Variants in EXOC6B observed in about 807,000 individuals in gnomAD.
EXOC6B encodes the protein exocyst complex component 6B, also known as SEC15 homolog B.
A neutral mutation model predicts 113.5 loss-of-function variants in EXOC6B; 54 were observed. That is an observed-to-expected ratio of 0.48 (90% CI 0.38 to 0.60). The LOEUF (loss-of-function observed/expected upper bound fraction) is 0.60. Ranked by LOEUF, EXOC6B falls within the 20% of genes least tolerant of loss-of-function variation. The pLI, the probability that EXOC6B is intolerant of heterozygous loss-of-function variation, is 0.00. For missense variants in EXOC6B, 797 were observed against 977.5 expected (o/e 0.82, Z 2.46); for synonymous variants, 357 against 339.0 (o/e 1.05, Z -0.58).
At chr2:72,391,213 G>A (rs1420954494) in intron 18 of EXOC6B, among the ~76,000 whole-genome samples, 1 of 152,154 alleles carries the variant, frequency 6.6e-6, no homozygotes, top group African/African-American at 2.4e-5. Flanking sequence ...ATTTTGTACA[G>A]TATTCTAGAT....
chr2:72,335,082 G>A lies in EXOC6B; in HGVS notation c.2123-62C>T, dbSNP rs376972688. ...CTAACCATGGACAGGGAGATTGGCA[G>A]ACGGATGACAGGGAAGACAAGAGAA... On this transcript the variant is annotated intron_variant, in intron 19 of 21. Transcript: ENST00000272427. 8.7e-5 allele frequency: 126 copies of A among 1,452,780 alleles called. No individual in the cohort carries two copies. In the East Asian group the frequency reaches 1.3e-3, roughly 15 times the overall value. 90.0% of individuals were successfully genotyped at this position (1,452,780 alleles called of 1,614,324 possible).
chr2:72,730,344 G>A (rs1246333522), intron 5 of EXOC6B, among the ~76,000 whole-genome samples: 1 of 152,120 alleles, frequency 6.6e-6, no homozygotes, highest in Non-Finnish European at 1.5e-5. Flanking sequence ...CATAATGTGA[G>A]TAGGCCTCAT....
chr2:72,444,425 T>C lies in EXOC6B; in HGVS notation c.1980+20735A>G, dbSNP rs554669879. ...TACCATTCTGGGGTCTGGAGGATGA[T>C]GGCCCTCCTCTCACAGCTCCACTAG... On this transcript the variant is annotated intron_variant, in intron 18 of 21. Transcript: ENST00000272427. 3.3e-5 allele frequency among the ~76,000 whole-genome samples: 5 copies of C among 152,328 alleles called. No homozygotes were observed. In the South Asian group the frequency reaches 1.0e-3, roughly 32 times the overall value.
At chr2:72,729,668 A>G (rs1033258932) in intron 5 of EXOC6B, among the ~76,000 whole-genome samples, 1 of 151,526 alleles carries the variant, frequency 6.6e-6, no homozygotes, top group African/African-American at 2.4e-5. Flanking sequence ...CGAGTGATCC[A>G]CCCGCCTCAG....
chr2:72,233,287 A>C lies in EXOC6B; in HGVS notation c.2197-49100T>G, dbSNP rs138529981. On this transcript the variant is annotated intron_variant, in intron 20 of 21. Transcript: ENST00000272427. Reference sequence around the variant, plus strand: ...TCAGTGCACCATGTGATGGAGAGGAAAGGAAGGGGCTGGTGAACACTGACC... The same window carrying C: ...TCAGTGCACCATGTGATGGAGAGGACAGGAAGGGGCTGGTGAACACTGACC... Among the ~76,000 whole-genome samples, 334 of 152,136 alleles carry C rather than the reference A, an allele frequency of 2.2e-3. 4 individuals carry two copies. Among genetic ancestry groups the C allele is most frequent in the Non-Finnish European group, 5.4e-4 (37 of 67,984 alleles).
At chr2:72,587,917 AC>A (rs1705694213) in intron 6 of EXOC6B, among the ~76,000 whole-genome samples, 1 of 152,152 alleles carries the variant, frequency 6.6e-6, no homozygotes, top group African/African-American at 2.4e-5. Flanking sequence ...CAAATGTCCA[AC>A]AAAAATATGA....
rs1677921356 is a variant in EXOC6B, at chr2:72,179,104, G to A, written c.*231C>T. 2.0e-6 allele frequency: 1 copy of A among 496,128 alleles called. No individual in the cohort carries two copies. Among genetic ancestry groups the A allele is most frequent in the South Asian group, 3.2e-5 (1 of 31,472 alleles). 30.7% of individuals were successfully genotyped at this position (496,128 alleles called of 1,614,324 possible). A position where few individuals can be genotyped will look rare whatever the true frequency, so the allele number is the denominator to read the frequency against. On this transcript the variant is annotated 3_prime_UTR_variant, in exon 22 of 22. Coordinates refer to ENST00000272427, the MANE Select transcript of EXOC6B (RefSeq NM_015189.3). ...CACCATCTCTAAGATAACACAGATA[G>A]TGTAGTAATAACTTCCCCTGAGTCC... is the stretch of plus-strand genomic sequence containing the variant.
At chr2:72,371,521 G>C (rs565288708) in intron 19 of EXOC6B, among the ~76,000 whole-genome samples, 8 of 152,264 alleles carry the variant, frequency 5.3e-5, no homozygotes, top group African/African-American at 1.7e-4. Context: ...GGGATGCAAG[G>C]ATGGTTCAAC....
At chr2:72,637,162 A>T (rs372055560) in intron 6 of EXOC6B, among the ~76,000 whole-genome samples, 1 of 152,238 alleles carries the variant, frequency 6.6e-6, no homozygotes, top group East Asian at 1.9e-4. Flanking sequence ...TGATGAAAGA[A>T]GTCAAAAACC....
In EXOC6B at chr2:72,789,580, T is replaced by G. The variant is rs182311470; in HGVS notation, c.113+36218A>C. Among the ~76,000 whole-genome samples, 30 of 152,352 alleles carry G rather than the reference T, an allele frequency of 2.0e-4. No individual in the cohort carries two copies. In the East Asian group the frequency reaches 2.9e-3, roughly 15 times the overall value. ...AATATGTTTGTATCATGATTAATGT[T>G]CATATCAGAAACAAAACTAGTTCTT... On this transcript the variant is annotated intron_variant, in intron 1 of 21. Transcript: ENST00000272427.
chr2:72,814,397 C>T (rs1686101137), intron 1 of EXOC6B, among the ~76,000 whole-genome samples: 1 of 152,176 alleles, frequency 6.6e-6, no homozygotes, highest in African/African-American at 2.4e-5. Flanking sequence ...TATCAAACCA[C>T]AGTAGTAACT....
chr2:72,366,340 C>T (rs1460604933), intron 19 of EXOC6B, among the ~76,000 whole-genome samples: 1 of 150,268 alleles, frequency 6.7e-6, no homozygotes, highest in East Asian at 1.9e-4. Flanking sequence ...AGATTAGATA[C>T]TGCAAAAGCA....
chr2:72,342,937 CATTCAT>C (rs1257348425), intron 19 of EXOC6B, among the ~76,000 whole-genome samples: 8 of 152,108 alleles, frequency 5.3e-5, no homozygotes, highest in Non-Finnish European at 8.8e-5. Context: ...TTCACTAGAG[CATTCAT>C]ATTCATATTC....
intron 1 of EXOC6B, among the ~76,000 whole-genome samples, chr2:72,743,807 G>C (rs541720698): frequency 3.9e-5 from 6 of 152,236 alleles, no homozygotes; most frequent in Non-Finnish European, 7.4e-5. Flanking sequence ...AATCCTTTCT[G>C]GGTACTGGAT....
At chr2:72,426,073 T>C (rs866774164) in intron 18 of EXOC6B, among the ~76,000 whole-genome samples, 19 of 152,188 alleles carry the variant, frequency 1.2e-4, no homozygotes, top group African/African-American at 4.6e-4. Context: ...TCTATATCAA[T>C]AACATTTCCA....
chr2:72,255,053 T>A (rs532595025), intron 20 of EXOC6B, among the ~76,000 whole-genome samples: 28 of 152,298 alleles, frequency 1.8e-4, no homozygotes, highest in African/African-American at 6.5e-4. Context: ...GCTGTGGATA[T>A]CAAGCCAAGG....
At chr2:72,318,176 T>C (rs1246195854) in intron 20 of EXOC6B, among the ~76,000 whole-genome samples, 1 of 152,086 alleles carries the variant, frequency 6.6e-6, no homozygotes, top group Non-Finnish European at 1.5e-5. Context: ...ACAGTGATTA[T>C]CGAATGTCTT....
intron 20 of EXOC6B, among the ~76,000 whole-genome samples, chr2:72,213,142 G>A (rs371551648): frequency 1.6e-3 from 248 of 152,318 alleles, no homozygotes; most frequent in African/African-American, 5.6e-3. Context: ...TAGCCATCTG[G>A]AGAGGTAAAG....
chr2:72,645,498 C>T (rs1159611344), intron 6 of EXOC6B, among the ~76,000 whole-genome samples: 1 of 152,200 alleles, frequency 6.6e-6, no homozygotes, highest in African/African-American at 2.4e-5. Flanking sequence ...TTCATCTCAG[C>T]ACCACATAGC....
Sources: allele counts gnomAD v4.1 joint callset (sites outside exome capture counted in the v4.1 genomes callset), GRCh38; gene constraint gnomAD v4.1.1; transcripts MANE v1.5; gene names NCBI Gene and HGNC (gene_info 2026-07-23, HGNC 2026-07-21).